The following ASH1L variants were observed in gnomAD, a reference collection of about 807,000 sequenced individuals.
The protein encoded by ASH1L is ASH1 like histone lysine methyltransferase.
ASH1L carries 23 observed loss-of-function variants against 269.0 expected under a neutral mutation model. That is an observed-to-expected ratio of 0.09 (90% CI 0.06 to 0.12). The LOEUF is 0.12. Among genes scored for constraint, ASH1L ranks in the 10% least tolerant of loss-of-function variants. ASH1L has a pLI of 1.00. For missense variants in ASH1L, 2,912 were observed against 3,567.8 expected, an observed-to-expected ratio of 0.82 and a Z score of 4.68; for synonymous variants, 1,187 against 1,253.5, an observed-to-expected ratio of 0.95 and a Z score of 1.12.
chr1:155,455,982 T>G (rs1013635998), intron 4 of ASH1L, among the ~76,000 whole-genome samples: 21 of 152,180 alleles, frequency 1.4e-4, no homozygotes, highest in Non-Finnish European at 1.6e-4. Context: ...TCCAACTTTA[T>G]GCATATGTGG....
intron 5 of ASH1L, among the ~76,000 whole-genome samples, chr1:155,418,172 G>GA (rs1253636003): frequency 5.3e-5 from 8 of 151,920 alleles, no homozygotes; most frequent in Non-Finnish European, 7.4e-5. Context: ...TGACCCAGGG[G>GA]AAAAAATCAT....
chr1:155,418,314 T>TAAC (rs1362750980), intron 5 of ASH1L, among the ~76,000 whole-genome samples: 4 of 151,974 alleles, frequency 2.6e-5, no homozygotes, highest in Non-Finnish European at 5.9e-5. Context: ...AGAGAAGACT[T>TAAC]AACAACAACA....
At chr1:155,426,779 AT>A (rs1389695262) in intron 5 of ASH1L, among the ~76,000 whole-genome samples, 1 of 152,108 alleles carries the variant, frequency 6.6e-6, no homozygotes. Flanking sequence ...AAACTAAAAA[AT>A]TTTTTTCTAG....
At chr1:155,455,835 A>T (rs562603337) in intron 4 of ASH1L, among the ~76,000 whole-genome samples, 29 of 152,344 alleles carry the variant, frequency 1.9e-4, no homozygotes, top group African/African-American at 5.0e-4. Flanking sequence ...AGAGGCAGAG[A>T]ATTAGTAAGA....
chr1:155,547,704 C>CG (rs1670926066), intron 1 of ASH1L, among the ~76,000 whole-genome samples: 1 of 149,676 alleles, frequency 6.7e-6, no homozygotes, highest in African/African-American at 2.5e-5. Context: ...GCCAGGGCAA[C>CG]AAGAGTGAAA....
chr1:155,527,658 C>A (rs1669358019), intron 1 of ASH1L, among the ~76,000 whole-genome samples: 1 of 151,636 alleles, frequency 6.6e-6, no homozygotes, highest in African/African-American at 2.4e-5. Context: ...TGCCTCAGAC[C>A]CCAAGTAGCT....
At chr1:155,358,555 A>G (rs1012985284) in intron 13 of ASH1L, among the ~76,000 whole-genome samples, 64 of 152,034 alleles carry the variant, frequency 4.2e-4, no homozygotes, top group Middle Eastern at 6.8e-3. Flanking sequence ...GGGTGTGGTG[A>G]CAGGCACCTG....
rs779032295 is a variant in ASH1L, at chr1:155,338,262, T to G, written c.8630A>C (p.Glu2877Ala). The G allele has an allele frequency of 1.2e-6, 2 of 1,613,968 alleles. No homozygotes were observed. Among genetic ancestry groups the G allele is most frequent in the East Asian group, 4.5e-5 (2 of 44,890 alleles). ...AGTGGCCCCTTCCCGTTCTGGCTCC[T>G]CCAGGCTGGGTATCTCATTGGCTGC... ...EQAANEIPSL[E>A]EPEREGATAN... The change falls in exon 27 of 28, where the codon GAG (glutamate) becomes GCG (alanine). Residue 2877 changes from glutamate (E) to alanine (A), a missense_variant. Around this residue, in one of 13 missense-constraint regions of ASH1L, gnomAD observed 154 missense variants for 165.0 expected, o/e 0.93. Transcript: ENST00000392403.
intron 5 of ASH1L, among the ~76,000 whole-genome samples, chr1:155,425,370 T>A (rs1411306079): frequency 6.7e-6 from 1 of 150,062 alleles, no homozygotes. Context: ...TTCTGCCTCC[T>A]GGGTTCAAGT....
At chr1:155,519,850 G>T (rs1338081388) in intron 2 of ASH1L, among the ~76,000 whole-genome samples, 1 of 151,800 alleles carries the variant, frequency 6.6e-6, no homozygotes, top group African/African-American at 2.4e-5. Flanking sequence ...GTAGAGACGG[G>T]GTTTCATCAT....
chr1:155,557,099 G>C (rs1297214720), intron 1 of ASH1L, among the ~76,000 whole-genome samples: 1 of 152,094 alleles, frequency 6.6e-6, no homozygotes, highest in East Asian at 1.9e-4. Context: ...GTGTATGTCT[G>C]AGGGCAAATG....
intron 2 of ASH1L, among the ~76,000 whole-genome samples, chr1:155,489,959 A>G (rs1452642675): frequency 6.6e-6 from 1 of 151,814 alleles, no homozygotes; most frequent in Non-Finnish European, 1.5e-5. Context: ...CACACTAGAC[A>G]ATGACATGTA....
chr1:155,422,402 C>G (rs969540557), intron 5 of ASH1L, among the ~76,000 whole-genome samples: 1 of 150,702 alleles, frequency 6.6e-6, no homozygotes, highest in African/African-American at 2.4e-5. Flanking sequence ...TCCGGGCCAC[C>G]AGGGTCTGCT....
At chr1:155,538,550 G>A (rs1170118071) in intron 1 of ASH1L, among the ~76,000 whole-genome samples, 1 of 150,826 alleles carries the variant, frequency 6.6e-6, no homozygotes, top group Non-Finnish European at 1.5e-5. Flanking sequence ...GTAGAGACAA[G>A]GTTTCACTAT....
rs371385666 is a variant in ASH1L, at chr1:155,478,486, A to G, written c.4384T>C (p.Ser1462Pro). Reference sequence around the variant, plus strand: ...GGAACACTGGGGTAGGTACTCATGGAAAGGAGGGGAGTCCTGCTGGTTGTA... The same window carrying G: ...GGAACACTGGGGTAGGTACTCATGGGAAGGAGGGGAGTCCTGCTGGTTGTA... ...FLTTSRTPLL[S>P]MSTYPSVPPE... is the part of the protein sequence containing the mutation. Residue 1462 changes from serine (S) to proline (P), a missense_variant, in exon 3 of 28, where the codon TCC becomes CCC. This residue lies in a region of ASH1L where 789 missense variants were observed against 897.6 expected (regional missense o/e 0.88). Transcript: ENST00000392403. This position sits in a 1 kb window ranked among gnomAD's most constrained non-coding sequence, Gnocchi z 4.6. 2.0e-5 allele frequency: 32 copies of G among 1,614,064 alleles called. No homozygotes were observed. The highest frequency in any genetic ancestry group is 2.7e-5 in the Non-Finnish European group (32 of 1,179,998).
rs1655840520 is a variant in ASH1L, at chr1:155,370,416, GCTGA to G, written c.6686+84_6686+87del. ...GAACAGCCTGAGCTGCTTTGTGTAAGCTGACTGACACTGGAAAGATCAATCCCTT... is the reference window on the plus strand; with the variant it reads ...GAACAGCCTGAGCTGCTTTGTGTAAGCTGACACTGGAAAGATCAATCCCTT... On this transcript the variant is annotated intron_variant, in intron 12 of 27. Coordinates refer to ENST00000392403, the MANE Select transcript of ASH1L (RefSeq NM_018489.3). 11 of 1,554,060 alleles carry G rather than the reference GCTGA, an allele frequency of 7.1e-6. No homozygotes were observed. The East Asian group carries it at 2.5e-4, about 35-fold the overall frequency.
intron 20 of ASH1L, among the ~76,000 whole-genome samples, chr1:155,347,364 G>T (rs1486833133): frequency 2.0e-5 from 3 of 152,082 alleles, no homozygotes; most frequent in Non-Finnish European, 4.4e-5. Context: ...CTGAGATCGT[G>T]CCACCACACT....
chr1:155,509,435 G>C (rs2148814681), intron 2 of ASH1L, among the ~76,000 whole-genome samples: 1 of 152,240 alleles, frequency 6.6e-6, no homozygotes, highest in South Asian at 2.1e-4. Flanking sequence ...CTAGAACCAA[G>C]TACATAAAGA....
intron 1 of ASH1L, among the ~76,000 whole-genome samples, chr1:155,545,425 A>G (rs1670740834): frequency 1.3e-5 from 2 of 151,772 alleles, no homozygotes; most frequent in East Asian, 1.9e-4. Context: ...GATTTATTAT[A>G]TGAAGATTTC....
Sources: gnomAD v4.1 joint callset for allele counts (sites outside exome capture counted in the v4.1 genomes callset) on GRCh38, gnomAD v4.1.1 for gene constraint, gnomAD v4.1.1 regional missense constraint, Gnocchi (gnomAD v3.1) non-coding constraint, MANE v1.5 for transcripts, NCBI Gene and HGNC (gene_info 2026-07-23, HGNC 2026-07-21) for gene names.